SDK1: variants seen among roughly 807,000 people sequenced by gnomAD.
The protein encoded by SDK1 is sidekick cell adhesion molecule 1.
Under a neutral mutation model 245.5 loss-of-function variants are expected in SDK1, and 157 were observed. The ratio of observed to expected loss-of-function variants is 0.64; its 90% confidence interval spans 0.56 to 0.73. SDK1 has a LOEUF of 0.73. Among genes scored for constraint, SDK1 ranks in the 30% least tolerant of loss-of-function variants. SDK1 has a pLI of 0.00. For missense variants in SDK1, 3,583 were observed against 3,002.3 expected (o/e 1.19, Z -4.52); for synonymous variants, 1,647 against 1,278.5 (o/e 1.29, Z -6.15).
At chr7:3,444,825 G>A (rs1476372938) in intron 1 of SDK1, among the ~76,000 whole-genome samples, 1 of 152,182 alleles carries the variant, frequency 6.6e-6, no homozygotes, top group African/African-American at 2.4e-5. Context: ...CTGCAAATGT[G>A]ATCCCCTTTA....
intron 4 of SDK1, among the ~76,000 whole-genome samples, chr7:3,673,470 A>G (rs1237094183): frequency 6.6e-6 from 1 of 152,230 alleles, no homozygotes; most frequent in Non-Finnish European, 1.5e-5. Flanking sequence ...TGAGAACCTT[A>G]AAACTCATAA....
chr7:3,352,756 T>C (rs1387829701), intron 1 of SDK1, among the ~76,000 whole-genome samples: 1 of 152,166 alleles, frequency 6.6e-6, no homozygotes, highest in Non-Finnish European at 1.5e-5. Flanking sequence ...GTTGGTGACC[T>C]AGGGAAACCC....
chr7:3,802,644 G>A (rs1218511789), intron 4 of SDK1, among the ~76,000 whole-genome samples: 3 of 152,004 alleles, frequency 2.0e-5, no homozygotes, highest in Admixed American at 6.6e-5. Flanking sequence ...CCTGGCAGCC[G>A]CTAATCTGTT....
chr7:3,325,742 T>TA (rs1779924742), intron 1 of SDK1, among the ~76,000 whole-genome samples: 1 of 152,176 alleles, frequency 6.6e-6, no homozygotes, highest in South Asian at 2.1e-4. Flanking sequence ...GATAATGTGT[T>TA]ACAAATTTTT....
At chr7:3,908,560 C>G (rs947567995) in intron 5 of SDK1, among the ~76,000 whole-genome samples, 1 of 152,148 alleles carries the variant, frequency 6.6e-6, no homozygotes. Flanking sequence ...TGATGCTTAG[C>G]CCATCTGGTA....
intron 14 of SDK1, among the ~76,000 whole-genome samples, chr7:3,998,990 C>G (rs561475377): frequency 3.0e-4 from 46 of 152,326 alleles, no homozygotes; most frequent in Non-Finnish European, 6.0e-4. Context: ...ATCTCCATCT[C>G]TTTGCATTCT....
chr7:3,361,382 T>C (rs1247408282), intron 1 of SDK1, among the ~76,000 whole-genome samples: 2 of 152,226 alleles, frequency 1.3e-5, no homozygotes, highest in Admixed American at 6.5e-5. Context: ...TATTCCACTT[T>C]CTTGTCCCAC....
intron 3 of SDK1, among the ~76,000 whole-genome samples, chr7:3,639,682 T>C (rs2128651308): frequency 6.6e-6 from 1 of 152,268 alleles, no homozygotes; most frequent in Non-Finnish European, 1.5e-5. Flanking sequence ...CATGTAGTCT[T>C]GAGGAGAAAC....
At chr7:3,519,400 TTATTATG>T (rs1462314944) in intron 1 of SDK1, among the ~76,000 whole-genome samples, 1 of 152,142 alleles carries the variant, frequency 6.6e-6, no homozygotes, top group African/African-American at 2.4e-5. Context: ...ATATATATGA[TTATTATG>T]TGTCAAATAA....
rs563448128 is a variant in SDK1 at position 3,489,717 on chromosome 7, T to A, written c.299-129363T>A. 3.3e-5 allele frequency among the ~76,000 whole-genome samples: 5 copies of A among 152,342 alleles called. 1 individual carries two copies. Among genetic ancestry groups the A allele is most frequent in the African/African-American group, 1.2e-4 (5 of 41,586 alleles). ...ATGTGAAAAATAAAGTAGCTTTTCT[T>A]AAGGCAACGTATAAAAAATAATTGG... On this transcript the variant is annotated intron_variant, in intron 1 of 44. Transcript: ENST00000404826.
At chr7:3,476,426 T>C (rs1781349642) in intron 1 of SDK1, among the ~76,000 whole-genome samples, 1 of 152,210 alleles carries the variant, frequency 6.6e-6, no homozygotes, top group African/African-American at 2.4e-5. Context: ...TAACCAGACA[T>C]TACTTTTTCC....
intron 22 of SDK1, among the ~76,000 whole-genome samples, chr7:4,089,468 G>A (rs868672214): frequency 1.2e-4 from 19 of 152,212 alleles, no homozygotes; most frequent in African/African-American, 4.3e-4. Context: ...AGCCTGTCCC[G>A]GGCTGCTATT....
chr7:3,837,911 C>A (rs1416695293), intron 5 of SDK1, among the ~76,000 whole-genome samples: 1 of 152,168 alleles, frequency 6.6e-6, no homozygotes, highest in Non-Finnish European at 1.5e-5. Context: ...CATCATTGAG[C>A]TTTATTCGCT....
chr7:3,577,978 A>T (rs1030457718), intron 1 of SDK1, among the ~76,000 whole-genome samples: 4 of 151,994 alleles, frequency 2.6e-5, no homozygotes, highest in Non-Finnish European at 5.9e-5. Flanking sequence ...GACTAGTGAA[A>T]TTTATTCTTT....
At chr7:3,383,857 CT>C (rs1781547813) in intron 1 of SDK1, among the ~76,000 whole-genome samples, 1 of 152,158 alleles carries the variant, frequency 6.6e-6, no homozygotes, top group Non-Finnish European at 1.5e-5. Context: ...TAAATAGTGC[CT>C]TTAAAAATAT....
At chr7:3,673,182 G>A (rs1215280231) in intron 4 of SDK1, among the ~76,000 whole-genome samples, 1 of 152,068 alleles carries the variant, frequency 6.6e-6, no homozygotes, top group African/African-American at 2.4e-5. Context: ...ATTTTTATCT[G>A]CAATACTCTC....
chr7:3,926,936 C>T (rs1779791752), intron 5 of SDK1, among the ~76,000 whole-genome samples: 2 of 152,226 alleles, frequency 1.3e-5, no homozygotes, highest in African/African-American at 2.4e-5. Flanking sequence ...ACTTATGGGA[C>T]ATGAACTTAA....
chr7:3,355,514 A>T (rs1245282135), intron 1 of SDK1, among the ~76,000 whole-genome samples: 1 of 152,140 alleles, frequency 6.6e-6, no homozygotes, highest in Non-Finnish European at 1.5e-5. Context: ...CTTAACACTT[A>T]TGTGGTGTTT....
At chr7:3,498,858 A>G (rs998224119) in intron 1 of SDK1, among the ~76,000 whole-genome samples, 2 of 151,596 alleles carry the variant, frequency 1.3e-5, no homozygotes, top group Non-Finnish European at 1.5e-5. Context: ...TTTTGGGCTC[A>G]TCTGAAAGGC....
Sources: gnomAD v4.1 joint callset for allele counts (sites outside exome capture counted in the v4.1 genomes callset) on GRCh38, gnomAD v4.1.1 for gene constraint, MANE v1.5 for transcripts, NCBI Gene and HGNC (gene_info 2026-07-23, HGNC 2026-07-21) for gene names.